SLAMF6: variants seen among roughly 807,000 people sequenced by gnomAD.
SLAMF6 encodes NK-T-B-antigen.
Under a neutral mutation model 38.3 loss-of-function variants are expected in SLAMF6, and 21 were observed. The ratio of observed to expected loss-of-function variants is 0.55; its 90% confidence interval spans 0.39 to 0.79. The LOEUF is 0.79. Among genes scored for constraint, SLAMF6 ranks in the 30% least tolerant of loss-of-function variants. SLAMF6 has a pLI of 0.00. For synonymous variants in SLAMF6, 152 were observed against 146.3 expected, an observed-to-expected ratio of 1.04 and a Z score of -0.28; for missense variants, 341 against 385.3, an observed-to-expected ratio of 0.89 and a Z score of 0.96.
intron 1 of SLAMF6, among the ~76,000 whole-genome samples, chr1:160,500,449 C>T (rs747715194): frequency 6.6e-6 from 1 of 152,174 alleles, no homozygotes; most frequent in Non-Finnish European, 1.5e-5. Context: ...AGTATCCATG[C>T]AGCTCACTCT....
Position 160,499,666 on chromosome 1 carries a change from C to T in SLAMF6, c.50-3273G>A, listed in dbSNP as rs57739264. On this transcript the variant is annotated intron_variant, in intron 1 of 7. Coordinates refer to ENST00000368057, the MANE Select transcript of SLAMF6 (RefSeq NM_001184714.2). ...GCTTTGTGTGGTATGGCCATTTTAACGATGTTGATTCTTCCAATCCATGAG... is the reference window on the plus strand; with the variant it reads ...GCTTTGTGTGGTATGGCCATTTTAATGATGTTGATTCTTCCAATCCATGAG... 8.4e-3 allele frequency among the ~76,000 whole-genome samples: 1,280 copies of T among 152,190 alleles called. 18 individuals carry two copies. The highest frequency in any genetic ancestry group is 0.03 in the African/African-American group (1,226 of 41,526).
intron 1 of SLAMF6, among the ~76,000 whole-genome samples, chr1:160,514,160 G>A (rs1220922787): frequency 6.6e-6 from 1 of 152,050 alleles, no homozygotes; most frequent in African/African-American, 2.4e-5. Flanking sequence ...TCAAAATAAA[G>A]GGATAGAGGA....
intron 1 of SLAMF6, among the ~76,000 whole-genome samples, chr1:160,514,238 C>A (rs1389981428): frequency 2.0e-5 from 3 of 152,212 alleles, no homozygotes; most frequent in Admixed American, 6.5e-5. Context: ...ACAAAATAGA[C>A]TTTAAAGCAA....
intron 6 of SLAMF6, among the ~76,000 whole-genome samples, chr1:160,488,099 AAAAAAACCAAAAAAC>A (rs1242512948): frequency 6.6e-6 from 1 of 151,772 alleles, no homozygotes; most frequent in East Asian, 1.9e-4. Flanking sequence ...TCAAAAAAAA[AAAAAAACCAAAAAAC>A]AAAAAACAAA....
At chr1:160,515,437 A>G (rs916126708) in intron 1 of SLAMF6, among the ~76,000 whole-genome samples, 13 of 152,226 alleles carry the variant, frequency 8.5e-5, no homozygotes, top group Non-Finnish European at 1.8e-4. Context: ...TACAAAGAGG[A>G]CCTGGCACCA....
chr1:160,508,711 A>T (rs1453119638), intron 1 of SLAMF6, among the ~76,000 whole-genome samples: 2 of 152,222 alleles, frequency 1.3e-5, no homozygotes, highest in Non-Finnish European at 2.9e-5. Context: ...CTACCATCAG[A>T]GTGAACAGAC....
At chr1:160,512,096 C>T (rs1212333420) in intron 1 of SLAMF6, among the ~76,000 whole-genome samples, 11 of 152,304 alleles carry the variant, frequency 7.2e-5, no homozygotes, top group East Asian at 1.9e-4. Context: ...GGCTGGAGAC[C>T]GTCTAAGACT....
chr1:160,507,601 G>A (rs1401146497), intron 1 of SLAMF6, among the ~76,000 whole-genome samples: 2 of 151,950 alleles, frequency 1.3e-5, no homozygotes, highest in Non-Finnish European at 2.9e-5. Context: ...TTCCTCAAAT[G>A]CACATAAGTC....
intron 1 of SLAMF6, among the ~76,000 whole-genome samples, chr1:160,512,604 C>T (rs919508068): frequency 1.3e-4 from 20 of 152,138 alleles, no homozygotes; most frequent in African/African-American, 4.8e-4. Flanking sequence ...AGGAGCACTC[C>T]CACTGTCATC....
intron 1 of SLAMF6, among the ~76,000 whole-genome samples, chr1:160,520,173 C>A (rs12082597): frequency 6.6e-6 from 1 of 152,102 alleles, no homozygotes; most frequent in African/African-American, 2.4e-5. Context: ...TAACACTGCT[C>A]GGGGGCCATC....
chr1:160,497,664 A>G (rs2102029911), intron 1 of SLAMF6, among the ~76,000 whole-genome samples: 1 of 152,176 alleles, frequency 6.6e-6, no homozygotes, highest in Non-Finnish European at 1.5e-5. Flanking sequence ...CACAGCGTCT[A>G]TTAATCCCAT....
In SLAMF6 at chr1:160,491,164, T is replaced by A; in HGVS notation, c.607A>T (p.Asn203Tyr). ...YTCIAENAVSNLSFSVSAQKL... is the reference protein window; with the variant it reads ...YTCIAENAVSYLSFSVSAQKL... The stretch of plus-strand genomic sequence containing the variant: ...TGGGCAGAGACAGAGAAGGATAAAT[T>A]ACTGACAGCATTCTCTGCTATGCAG... Residue 203 changes from asparagine (N) to tyrosine (Y), a missense_variant, in exon 3 of 8, where the codon AAT becomes TAT. Physicochemically the swap from Asn to Tyr is moderately radical, Grantham distance 143 (BLOSUM62 -2). Transcript: ENST00000368057. The A allele has an allele frequency of 6.2e-7, 1 of 1,614,044 alleles. No individual in the cohort carries two copies. The highest frequency in any genetic ancestry group is 8.5e-7 in the Non-Finnish European group (1 of 1,179,968).
At chr1:160,521,689 T>C (rs1462579003) in intron 1 of SLAMF6, among the ~76,000 whole-genome samples, 1 of 152,106 alleles carries the variant, frequency 6.6e-6, no homozygotes, top group East Asian at 1.9e-4. Flanking sequence ...AGTCCTAAGT[T>C]CCCAGGATCC....
intron 1 of SLAMF6, among the ~76,000 whole-genome samples, chr1:160,505,579 A>G (rs987467019): frequency 2.0e-5 from 3 of 151,912 alleles, no homozygotes; most frequent in Non-Finnish European, 4.4e-5. Flanking sequence ...TTTTTAAAAT[A>G]TTTTGTAGAG....
At chr1:160,513,696 G>A (rs1406790135) in intron 1 of SLAMF6, among the ~76,000 whole-genome samples, 2 of 152,110 alleles carry the variant, frequency 1.3e-5, no homozygotes, top group East Asian at 1.9e-4. Flanking sequence ...GAAGAGATTG[G>A]GGGTCAATAT....
intron 1 of SLAMF6, among the ~76,000 whole-genome samples, chr1:160,503,611 G>A (rs1419003457): frequency 6.6e-6 from 1 of 151,968 alleles, no homozygotes; most frequent in East Asian, 1.9e-4. Flanking sequence ...TGAAATTGCT[G>A]GCCTAAAGTC....
At chr1:160,512,692 G>A (rs974983864) in intron 1 of SLAMF6, among the ~76,000 whole-genome samples, 5 of 152,114 alleles carry the variant, frequency 3.3e-5, no homozygotes, top group Non-Finnish European at 7.4e-5. Context: ...GCCTCCACTG[G>A]TGACACCACC....
chr1:160,512,408 A>T (rs1460532985), intron 1 of SLAMF6, among the ~76,000 whole-genome samples: 1 of 152,210 alleles, frequency 6.6e-6, no homozygotes, highest in African/African-American at 2.4e-5. Context: ...TCTGTGGATC[A>T]TCAGACTTAG....
Position 160,486,216 on chromosome 1 carries a change from A to C in SLAMF6, c.*491T>G, listed in dbSNP as rs1652955033. On this transcript the variant is annotated 3_prime_UTR_variant, in exon 8 of 8. Transcript: ENST00000368057. ...TATTCCAAAATCTGAAAAAAAATTG[A>C]AATCTGAAACATTTCTAATCCCAAG... 6.5e-6 allele frequency: 1 copy of C among 152,914 alleles called. No individual in the cohort carries two copies. Among genetic ancestry groups the C allele is most frequent in the Admixed American group, 6.5e-5 (1 of 15,306 alleles). The allele number at this position is 152,914 out of a possible 1,614,324, so 9.5% of individuals were successfully genotyped here.
Sources: allele counts gnomAD v4.1 joint callset (sites outside exome capture counted in the v4.1 genomes callset), GRCh38; gene constraint gnomAD v4.1.1; transcripts MANE v1.5; gene names NCBI Gene and HGNC (gene_info 2026-07-23, HGNC 2026-07-21).